Variants in MUSK observed in about 807,000 individuals in gnomAD.
MUSK encodes the protein muscle, skeletal receptor tyrosine-protein kinase.
MUSK carries 55 observed loss-of-function variants against 88.7 expected under a neutral mutation model. The observed-to-expected ratio is 0.62, with a 90% confidence interval of 0.50 to 0.78. The LOEUF (loss-of-function observed/expected upper bound fraction) is 0.78. Ranked by LOEUF, MUSK falls within the 30% of genes least tolerant of loss-of-function variation. The pLI, the probability that MUSK is intolerant of heterozygous loss-of-function variation, is 0.00. For missense variants in MUSK, 1,015 were observed against 1,074.3 expected (o/e 0.94, Z 0.77); for synonymous variants, 387 against 391.9 (o/e 0.99, Z 0.15).
At chr9:110,790,160 T>C (rs2077948452) in intron 14 of MUSK, among the ~76,000 whole-genome samples, 1 of 152,220 alleles carries the variant, frequency 6.6e-6, no homozygotes, top group South Asian at 2.1e-4. Flanking sequence ...AGTGAGCATG[T>C]CATATGCATT....
intron 7 of MUSK, among the ~76,000 whole-genome samples, chr9:110,753,943 G>A (rs2077280441): frequency 6.6e-6 from 1 of 152,072 alleles, no homozygotes. Context: ...TCTTTCTCAT[G>A]TCTGATAGCC....
intron 6 of MUSK, among the ~76,000 whole-genome samples, chr9:110,739,431 G>A (rs1186595141): frequency 2.0e-5 from 3 of 152,108 alleles, no homozygotes; most frequent in African/African-American, 7.2e-5. Context: ...CATAGATGTG[G>A]AGTGCTCACA....
intron 7 of MUSK, among the ~76,000 whole-genome samples, chr9:110,755,951 C>CATATATATATATATATAT (rs1564268679): frequency 3.9e-5 from 4 of 101,782 alleles, no homozygotes; most frequent in African/African-American, 1.7e-4. Flanking sequence ...TATATATATA[C>CATATATATATATATATAT]ACATATATAT....
intron 5 of MUSK, 73 bp downstream of exon 5, chr9:110,697,539 G>T: frequency 6.7e-7 from 1 of 1,488,942 alleles, no homozygotes; most frequent in South Asian, 1.5e-5. Context: ...CTGCACCTGG[G>T]CTTGGGAGAG....
intron 2 of MUSK, among the ~76,000 whole-genome samples, chr9:110,684,791 T>C (rs902878846): frequency 4.6e-5 from 7 of 152,176 alleles, no homozygotes; most frequent in African/African-American, 9.6e-5. Context: ...TGTTGGTATA[T>C]ACAAATGTTA....
intron 5 of MUSK, among the ~76,000 whole-genome samples, chr9:110,706,382 C>T (rs1189906803): frequency 6.6e-6 from 1 of 152,072 alleles, no homozygotes; most frequent in Non-Finnish European, 1.5e-5. Context: ...AGTGGCTTTT[C>T]AGGGCCATAT....
At chr9:110,784,777 G>T (rs771109926) in intron 11 of MUSK, 38 bp from the exon 12 acceptor site, 1 of 1,540,366 alleles carries the variant, frequency 6.5e-7, no homozygotes, top group Admixed American at 1.9e-5. Flanking sequence ...CTTCTTAAAG[G>T]TTTGAGAATG....
chr9:110,776,566 C>G (rs1376038509), intron 10 of MUSK, 66 bp from the exon 11 acceptor site: 1 of 1,305,394 alleles, frequency 7.7e-7, no homozygotes, highest in Non-Finnish European at 1.1e-6. Flanking sequence ...AGCACTCACT[C>G]TCTCACAGAA....
At chr9:110,773,552 C>A (rs1171387829) in intron 9 of MUSK, among the ~76,000 whole-genome samples, 1 of 151,932 alleles carries the variant, frequency 6.6e-6, no homozygotes, top group African/African-American at 2.4e-5. Flanking sequence ...TAAAATATTT[C>A]TTTTTCTTAA....
intron 4 of MUSK, among the ~76,000 whole-genome samples, chr9:110,696,367 CATT>C (rs2076430305): frequency 1.3e-5 from 2 of 152,116 alleles, no homozygotes; most frequent in South Asian, 4.1e-4. Flanking sequence ...TATGAGGCAT[CATT>C]ATTGTCTTTC....
chr9:110,694,215 C>CAA (rs1217917603), intron 3 of MUSK, among the ~76,000 whole-genome samples: 11,367 of 71,954 alleles, frequency 0.16, 672 homozygotes, highest in Non-Finnish European at 0.18. Context: ...ACTAAAAATA[C>CAA]AAAAAAAAAA....
chr9:110,672,595 A>G (rs1028208849), intron 1 of MUSK, among the ~76,000 whole-genome samples: 1 of 152,188 alleles, frequency 6.6e-6, no homozygotes, highest in Non-Finnish European at 1.5e-5. Flanking sequence ...AAGTAAAACA[A>G]GGATATTTAA....
intron 5 of MUSK, among the ~76,000 whole-genome samples, chr9:110,720,118 T>C (rs2076792253): frequency 6.6e-6 from 1 of 151,844 alleles, no homozygotes; most frequent in Admixed American, 6.6e-5. Context: ...AAGAGGAAAA[T>C]TCATAGCATT....
chr9:110,800,908 G>C lies in MUSK; in HGVS notation c.2530G>C (p.Ala844Pro). ...GCGTCTATGTTGGAGCAAGCTGCCT[G>C]CAGACAGACCCAGTTTCACCAGTAT... ...LMRLCWSKLP[A>P]DRPSFTSIHR... Residue 844 changes from alanine (A) to proline (P), a missense_variant, in exon 15 of 15, where the codon GCA (alanine) becomes CCA (proline). Coordinates refer to ENST00000374448, the MANE Select transcript of MUSK (RefSeq NM_005592.4). 6.5e-7 allele frequency: 1 copy of C among 1,548,718 alleles called. No individual in the cohort carries two copies. The highest frequency in any genetic ancestry group is 8.7e-7 in the Non-Finnish European group (1 of 1,148,238).
rs1371954476 is a variant in MUSK, at chr9:110,800,481, G to A, written c.2103G>A (p.Glu701=). ...SPGPPPLSCA[E]QLCIARQVAA... ...GGCCCCCACCCCTCTCCTGTGCTGA[G>A]CAGCTTTGCATTGCCAGGCAGGTGG... Residue 701 remains glutamate (E), a synonymous_variant, in exon 15 of 15, where the codon GAG becomes GAA. Transcript: ENST00000374448. The A allele has an allele frequency of 1.9e-6, 3 of 1,613,770 alleles. No individual in the cohort carries two copies. Among genetic ancestry groups the A allele is most frequent in the Admixed American group, 3.3e-5 (2 of 60,000 alleles).
chr9:110,768,104 C>T, intron 9 of MUSK, 21 bp downstream of exon 9: 1 of 1,574,704 alleles, frequency 6.4e-7, no homozygotes, highest in African/African-American at 1.4e-5. Flanking sequence ...AAAAATAAGT[C>T]AAAGGAAAAA....
At chr9:110,692,400 C>A (rs2076368666) in intron 3 of MUSK, among the ~76,000 whole-genome samples, 1 of 151,962 alleles carries the variant, frequency 6.6e-6, no homozygotes, top group African/African-American at 2.4e-5. Flanking sequence ...TCTTGAAGTC[C>A]TGTGCTCAAG....
At chr9:110,694,399 A>AAAAAAAAC (rs1304787398) in intron 3 of MUSK, among the ~76,000 whole-genome samples, 4 of 139,482 alleles carry the variant, frequency 2.9e-5, no homozygotes, top group African/African-American at 5.3e-5. Flanking sequence ...AAAAAAAAAA[A>AAAAAAAAC]AAAAAAACAA....
At chr9:110,728,807 T>C in intron 5 of MUSK, 1 of 1,034,580 alleles carries the variant, frequency 9.7e-7, no homozygotes, top group Non-Finnish European at 1.3e-6. Context: ...CAGCTCTAAG[T>C]GCCATTTTTA....
Sources: gnomAD v4.1 joint callset for allele counts (sites outside exome capture counted in the v4.1 genomes callset) on GRCh38, gnomAD v4.1.1 for gene constraint, MANE v1.5 for transcripts, NCBI Gene and HGNC (gene_info 2026-07-23, HGNC 2026-07-21) for gene names.